TM9SF3: variants seen among roughly 807,000 people sequenced by gnomAD.
TM9SF3 encodes transmembrane 9 superfamily member 3.
A neutral mutation model predicts 78.6 loss-of-function variants in TM9SF3; 14 were observed. That is an observed-to-expected ratio of 0.18 (90% CI 0.12 to 0.28). The LOEUF is 0.28. Among genes scored for constraint, TM9SF3 ranks in the 10% least tolerant of loss-of-function variants. The probability of loss-of-function intolerance (pLI) is 1.00; values close to 1 mark genes in which losing one functional copy is unlikely to be tolerated. For synonymous variants in TM9SF3, 231 were observed against 241.7 expected, an observed-to-expected ratio of 0.96 and a Z score of 0.41; for missense variants, 496 against 721.9, an observed-to-expected ratio of 0.69 and a Z score of 3.59.
intron 2 of TM9SF3, among the ~76,000 whole-genome samples, chr10:96,566,614 C>T (rs1235378981): frequency 1.3e-5 from 2 of 152,208 alleles, no homozygotes; most frequent in Non-Finnish European, 2.9e-5. Context: ...CCAACAGCGA[C>T]TCCCACATAG....
At chr10:96,534,590 T>C (rs1216889528) in intron 9 of TM9SF3, among the ~76,000 whole-genome samples, 4 of 152,102 alleles carry the variant, frequency 2.6e-5, no homozygotes, top group Non-Finnish European at 5.9e-5. Flanking sequence ...TAATTTCAAA[T>C]AAGAATTACA....
chr10:96,557,899 T>C (rs1238438485), intron 5 of TM9SF3, among the ~76,000 whole-genome samples: 1 of 152,204 alleles, frequency 6.6e-6, no homozygotes, highest in African/African-American at 2.4e-5. Context: ...TTGAATAAAG[T>C]GTGTTTTACT....
Position 96,552,985 on chromosome 10 carries a change from C to T in TM9SF3, c.735G>A (p.Met245Ile), listed in dbSNP as rs746208229. 6.2e-7 allele frequency: 1 copy of T among 1,607,818 alleles called. No individual in the cohort carries two copies. Among genetic ancestry groups the T allele is most frequent in the Non-Finnish European group, 8.5e-7 (1 of 1,178,228 alleles). ...FLVGLVSMILMRTLRKDYARY... is the reference protein window; with the variant it reads ...FLVGLVSMILIRTLRKDYARY... ...GAGCATAATCTTTTCTTAATGTTCTCATTAAAATCATTGAAACTAAGCCCA... is the reference window on the plus strand; with the variant it reads ...GAGCATAATCTTTTCTTAATGTTCTTATTAAAATCATTGAAACTAAGCCCA... The change falls in exon 6 of 15, where the codon ATG (methionine) becomes ATA (isoleucine). Residue 245 changes from methionine (M) to isoleucine (I), a missense_variant. By Grantham distance (10) the Met-to-Ile change is conservative. Coordinates refer to ENST00000371142, the MANE Select transcript of TM9SF3 (RefSeq NM_020123.4).
intron 5 of TM9SF3, among the ~76,000 whole-genome samples, chr10:96,557,633 A>C (rs1202753866): frequency 2.6e-5 from 4 of 152,030 alleles, no homozygotes; most frequent in Non-Finnish European, 2.9e-5. Context: ...TACCTCTCTG[A>C]CTTCATCTTC....
intron 5 of TM9SF3, among the ~76,000 whole-genome samples, chr10:96,557,944 G>C (rs535880179): frequency 6.6e-6 from 1 of 152,164 alleles, no homozygotes; most frequent in African/African-American, 2.4e-5. Flanking sequence ...TGACTAGAAC[G>C]TAAGTTCCTA....
In TM9SF3 at chr10:96,528,093, A is replaced by C. The variant is rs201327892; in HGVS notation, c.1479T>G (p.Ile493Met). Residue 493 changes from isoleucine (I) to methionine (M), a missense_variant, in exon 12 of 15, where the codon ATT becomes ATG. Around this residue, in one of 4 missense-constraint regions of TM9SF3, gnomAD observed 280 missense variants for 422.6 expected, o/e 0.66. Coordinates refer to ENST00000371142, the MANE Select transcript of TM9SF3 (RefSeq NM_020123.4). ...FMMLVLVILCIVTVCVTIVCT... is the reference protein window; with the variant it reads ...FMMLVLVILCMVTVCVTIVCT... ...ACACAATAGTCACACAGACAGTCACAATGCACAGGATAACCAGCACCAGCA... is the reference window on the plus strand; with the variant it reads ...ACACAATAGTCACACAGACAGTCACCATGCACAGGATAACCAGCACCAGCA... 1 of 1,613,046 alleles carries C rather than the reference A, an allele frequency of 6.2e-7. No individual in the cohort carries two copies. The highest frequency in any genetic ancestry group is 1.1e-5 in the South Asian group (1 of 91,024).
At chr10:96,538,556 A>AT (rs1847985661) in intron 9 of TM9SF3, among the ~76,000 whole-genome samples, 1 of 152,198 alleles carries the variant, frequency 6.6e-6, no homozygotes, top group African/African-American at 2.4e-5. Flanking sequence ...AAAATTAGTA[A>AT]TTTTGCCCTT....
At chr10:96,570,060 T>C (rs1364890499) in intron 2 of TM9SF3, among the ~76,000 whole-genome samples, 2 of 152,150 alleles carry the variant, frequency 1.3e-5, no homozygotes, top group African/African-American at 4.8e-5. Context: ...AACCACAGTA[T>C]CCAAGTTACA....
At chr10:96,551,882 A>G (rs993080819) in intron 6 of TM9SF3, among the ~76,000 whole-genome samples, 1 of 152,144 alleles carries the variant, frequency 6.6e-6, no homozygotes. Flanking sequence ...CATATGGGGG[A>G]AATATTCAAT....
intron 9 of TM9SF3, among the ~76,000 whole-genome samples, chr10:96,536,136 C>A (rs1409241863): frequency 6.6e-6 from 1 of 151,728 alleles, no homozygotes; most frequent in Admixed American, 6.6e-5. Context: ...AAACTTGCAG[C>A]GAACTACAAA....
intron 2 of TM9SF3, among the ~76,000 whole-genome samples, chr10:96,572,827 AATG>A (rs1848452514): frequency 6.6e-6 from 1 of 152,090 alleles, no homozygotes; most frequent in Non-Finnish European, 1.5e-5. Flanking sequence ...ATTTTCTTAA[AATG>A]GTCTCAATTT....
At chr10:96,577,694 T>C (rs1000196670) in intron 1 of TM9SF3, among the ~76,000 whole-genome samples, 2 of 152,218 alleles carry the variant, frequency 1.3e-5, no homozygotes, top group Non-Finnish European at 2.9e-5. Flanking sequence ...AGTGCAGACA[T>C]TAATTCACTG....
chr10:96,539,688 C>T (rs981486507), intron 9 of TM9SF3, among the ~76,000 whole-genome samples: 36 of 152,122 alleles, frequency 2.4e-4, no homozygotes, highest in African/African-American at 7.5e-4. Context: ...TAAATTTATG[C>T]AACTTATCAT....
intron 5 of TM9SF3, among the ~76,000 whole-genome samples, chr10:96,555,025 CCTT>C (rs981865652): frequency 2.6e-5 from 4 of 151,474 alleles, no homozygotes; most frequent in Non-Finnish European, 4.4e-5. Flanking sequence ...TCCTGGTTGG[CCTT>C]TTTTTTTTTT....
At chr10:96,565,827 TAGC>T (rs1167587168) in intron 2 of TM9SF3, among the ~76,000 whole-genome samples, 1 of 152,180 alleles carries the variant, frequency 6.6e-6, no homozygotes, top group African/African-American at 2.4e-5. Flanking sequence ...TAACCATTTG[TAGC>T]TATAAGATCT....
chr10:96,554,089 C>A (rs1172381723), intron 5 of TM9SF3, among the ~76,000 whole-genome samples: 1 of 152,104 alleles, frequency 6.6e-6, no homozygotes, highest in Non-Finnish European at 1.5e-5. Context: ...CACCAGCCAT[C>A]AGCAATCTCC....
intron 9 of TM9SF3, among the ~76,000 whole-genome samples, chr10:96,536,058 C>G (rs1186581491): frequency 1.3e-5 from 2 of 151,906 alleles, no homozygotes; most frequent in Admixed American, 6.6e-5. Flanking sequence ...AAAGAAAAAT[C>G]ACAGATCTCA....
chr10:96,571,751 G>A (rs1243306379), intron 2 of TM9SF3, among the ~76,000 whole-genome samples: 1 of 152,170 alleles, frequency 6.6e-6, no homozygotes, highest in South Asian at 2.1e-4. Flanking sequence ...CGAAATTCAA[G>A]GAAGAAAAAA....
intron 2 of TM9SF3, among the ~76,000 whole-genome samples, chr10:96,574,744 C>T (rs1353009306): frequency 6.6e-6 from 1 of 152,090 alleles, no homozygotes; most frequent in Non-Finnish European, 1.5e-5. Flanking sequence ...TATGCAGCCA[C>T]AGAAAAGGAT....
Sources: allele counts gnomAD v4.1 joint callset (sites outside exome capture counted in the v4.1 genomes callset), GRCh38; gene constraint gnomAD v4.1.1; regional missense constraint gnomAD v4.1.1; transcripts MANE v1.5; gene names NCBI Gene and HGNC (gene_info 2026-07-23, HGNC 2026-07-21).